AP4E1: variants seen among roughly 807,000 people sequenced by gnomAD.
AP4E1 encodes AP-4 complex subunit epsilon-1.
In AP4E1, 56 loss-of-function variants were observed where a neutral mutation model predicts 128.2. That is an observed-to-expected ratio of 0.44 (90% CI 0.35 to 0.55). The LOEUF is 0.55. Ranked by LOEUF, AP4E1 falls within the 20% of genes least tolerant of loss-of-function variation. The pLI, the probability that AP4E1 is intolerant of heterozygous loss-of-function variation, is 0.00. For missense variants in AP4E1, 1,324 were observed against 1,307.7 expected, an observed-to-expected ratio of 1.01 and a Z score of -0.19; for synonymous variants, 484 against 473.1, an observed-to-expected ratio of 1.02 and a Z score of -0.30.
chr15:51,002,436 T>A, intron 20 of AP4E1, 66 bp from the exon 21 acceptor site: 1 of 1,559,658 alleles, frequency 6.4e-7, no homozygotes, highest in Non-Finnish European at 8.8e-7. Context: ...TTTGTGTATC[T>A]TCTTGGAGAA....
intron 17 of AP4E1, 42 bp downstream of exon 17, chr15:50,993,667 G>C (rs778176469): frequency 1.9e-6 from 3 of 1,611,940 alleles, no homozygotes; most frequent in African/African-American, 1.3e-5. Context: ...TTTGTCATCT[G>C]TCTGTACAAA....
Position 50,986,621 on chromosome 15 carries a change from T to C in AP4E1, c.2090+2476T>C, listed in dbSNP as rs539109144. The stretch of plus-strand genomic sequence containing the variant: ...ATGCTGGATTACGTTTATTGATTTG[T>C]GTATATTGAACCAGCCTTGCATCCC... On this transcript the variant is annotated intron_variant, in intron 16 of 20. Coordinates refer to ENST00000261842, the MANE Select transcript of AP4E1 (RefSeq NM_007347.5). 2.1e-3 allele frequency among the ~76,000 whole-genome samples: 318 copies of C among 152,278 alleles called. 1 individual carries two copies. The highest frequency in any genetic ancestry group is 6.1e-3 in the African/African-American group (253 of 41,558).
At chr15:50,952,768 T>C (rs1044908825) in intron 13 of AP4E1, among the ~76,000 whole-genome samples, 6 of 150,458 alleles carry the variant, frequency 4.0e-5, no homozygotes, top group Non-Finnish European at 8.9e-5. Context: ...CTGTTAACTA[T>C]AGAATGTCCT....
At chr15:50,956,980 C>G (rs2064232968) in intron 13 of AP4E1, among the ~76,000 whole-genome samples, 1 of 152,090 alleles carries the variant, frequency 6.6e-6, no homozygotes, top group African/African-American at 2.4e-5. Flanking sequence ...TGGGCTCTGG[C>G]AGGAGCAAAA....
At chr15:50,914,221 T>A (rs963224768) in intron 2 of AP4E1, among the ~76,000 whole-genome samples, 16 of 152,338 alleles carry the variant, frequency 1.1e-4, no homozygotes, top group African/African-American at 3.8e-4. Context: ...TTTCCTATGG[T>A]TTCTCTTTAA....
At chr15:50,947,622 A>G (rs1457163230) in intron 10 of AP4E1, among the ~76,000 whole-genome samples, 2 of 152,226 alleles carry the variant, frequency 1.3e-5, no homozygotes, top group African/African-American at 2.4e-5. Context: ...ATAGTTTCCA[A>G]GACTAGATTT....
chr15:50,968,629 T>A (rs1280124586), intron 15 of AP4E1, among the ~76,000 whole-genome samples: 7 of 152,164 alleles, frequency 4.6e-5, no homozygotes, highest in African/African-American at 1.7e-4. Flanking sequence ...GGAATTTATT[T>A]ATTTATTTAT....
intron 19 of AP4E1, among the ~76,000 whole-genome samples, chr15:50,999,585 G>A (rs974359663): frequency 3.3e-5 from 5 of 152,092 alleles, no homozygotes; most frequent in East Asian, 1.9e-4. Context: ...AAATAACTCC[G>A]AAGATTCTGC....
rs751577288 is a variant in AP4E1 at position 50,948,026 on chromosome 15, G to A, written c.1183G>A (p.Glu395Lys). 9.4e-6 allele frequency: 15 copies of A among 1,599,208 alleles called. No individual in the cohort carries two copies. The highest frequency in any genetic ancestry group is 3.3e-5 in the Admixed American group (2 of 59,944). ...ATTTTTCTTCTTTAAATAGACTCTGGAACTTCTTTACAGAATTACTAATGC... is the reference window on the plus strand; with the variant it reads ...ATTTTTCTTCTTTAAATAGACTCTGAAACTTCTTTACAGAATTACTAATGC... ...PDPIIKRETL[E>K]LLYRITNAQN... Residue 395 changes from glutamate (E) to lysine (K), a missense_variant, in exon 11 of 21, where the codon GAA becomes AAA. Glu to Lys is a moderately conservative substitution (Grantham distance 56, BLOSUM62 1). Coordinates refer to ENST00000261842, the MANE Select transcript of AP4E1 (RefSeq NM_007347.5).
At chr15:50,974,162 T>C (rs1001916358) in intron 15 of AP4E1, among the ~76,000 whole-genome samples, 2 of 152,114 alleles carry the variant, frequency 1.3e-5, no homozygotes, top group Admixed American at 6.5e-5. Context: ...GACAGGGTTT[T>C]GCCATGTTGG....
intron 10 of AP4E1, chr15:50,944,877 G>A: frequency 1.2e-6 from 1 of 812,040 alleles, no homozygotes; most frequent in Non-Finnish European, 2.1e-6. Flanking sequence ...CAGTTGCTTG[G>A]CAAAGCATCC....
At chr15:50,999,406 T>C (rs2064927698) in intron 19 of AP4E1, 144 bp downstream of exon 19, 1 of 648,746 alleles carries the variant, frequency 1.5e-6, no homozygotes, top group African/African-American at 1.8e-5. Flanking sequence ...GAGGAATTTC[T>C]AGTCTATGGA....
Position 51,004,158 on chromosome 15 carries a change from A to G in AP4E1, c.*1496A>G, listed in dbSNP as rs186837714. The G allele has an allele frequency of 1.2e-4, 18 of 152,350 alleles. No individual in the cohort carries two copies. Among genetic ancestry groups the G allele is most frequent in the Admixed American group, 1.0e-3 (16 of 15,292 alleles). 9.4% of individuals were successfully genotyped at this position (152,350 alleles called of 1,614,324 possible). A position where few individuals can be genotyped will look rare whatever the true frequency, so the allele number is the denominator to read the frequency against. On this transcript the variant is annotated 3_prime_UTR_variant, in exon 21 of 21. Transcript: ENST00000261842. Reference sequence around the variant, plus strand: ...ATAGGTTCCTCCTTTTGAATAGATCAGATTCATCCCCAGGCTCTCAGCAGT... The same window carrying G: ...ATAGGTTCCTCCTTTTGAATAGATCGGATTCATCCCCAGGCTCTCAGCAGT...
At chr15:50,984,477 G>T (rs1356543086) in intron 16 of AP4E1, among the ~76,000 whole-genome samples, 2 of 113,402 alleles carry the variant, frequency 1.8e-5, no homozygotes, top group African/African-American at 3.6e-5. Context: ...CCCACAACAG[G>T]CCCTGGTGTG....
rs1053494211 is a variant in AP4E1, at chr15:51,005,615, GTA to G, written c.*2954_*2955del. The G allele has an allele frequency of 4.6e-5, 7 of 152,476 alleles. No homozygotes were observed. Among genetic ancestry groups the G allele is most frequent in the Non-Finnish European group, 8.8e-5 (6 of 68,016 alleles). The allele number at this position is 152,476 out of a possible 1,614,324, so 9.4% of individuals were successfully genotyped here. A position where few individuals can be genotyped will look rare whatever the true frequency, so the allele number is the denominator to read the frequency against. ...CTACCAAAATAATTGTGGTAAAAGT[GTA>G]GTATTTTATTTTTTCCTTTTATGTC... On this transcript the variant is annotated 3_prime_UTR_variant, in exon 21 of 21. Transcript: ENST00000261842.
chr15:50,961,248 C>T (rs2064308667), intron 14 of AP4E1, among the ~76,000 whole-genome samples: 1 of 151,932 alleles, frequency 6.6e-6, no homozygotes, highest in Non-Finnish European at 1.5e-5. Flanking sequence ...TTCTTCCTAA[C>T]TCATTTTATA....
chr15:50,908,637 T>C, upstream of AP4E1: 2 of 1,121,126 alleles, frequency 1.8e-6, no homozygotes, highest in Non-Finnish European at 2.4e-6. Flanking sequence ...ACGCTGAACT[T>C]GTTCAGGTGG....
rs530901233 is a variant in AP4E1, at chr15:50,936,739, A to C, written c.943+2042A>C. The stretch of plus-strand genomic sequence containing the variant: ...TCACAAGGTCGGGAGTTCAAGACCA[A>C]CCTGGCCAATATGGTGAAACCCTGT... On this transcript the variant is annotated intron_variant, in intron 8 of 20. Transcript: ENST00000261842. 4.6e-5 allele frequency among the ~76,000 whole-genome samples: 7 copies of C among 152,220 alleles called. No individual in the cohort carries two copies. The East Asian group carries it at 1.4e-3, about 29-fold the overall frequency.
intron 3 of AP4E1, among the ~76,000 whole-genome samples, chr15:50,919,632 T>C (rs2063671661): frequency 6.6e-6 from 1 of 152,134 alleles, no homozygotes. Flanking sequence ...TTTATAGTTA[T>C]GGATGCTTAT....
Sources: gnomAD v4.1 joint callset for allele counts (sites outside exome capture counted in the v4.1 genomes callset) on GRCh38, gnomAD v4.1.1 for gene constraint, MANE v1.5 for transcripts, NCBI Gene and HGNC (gene_info 2026-07-23, HGNC 2026-07-21) for gene names.